ZNF862: variants seen among roughly 807,000 people sequenced by gnomAD.
ZNF862 encodes zinc finger protein 862.
A neutral mutation model predicts 91.1 loss-of-function variants in ZNF862; 64 were observed. The ratio of observed to expected loss-of-function variants is 0.70; its 90% CI spans 0.57 to 0.87. ZNF862 has a LOEUF of 0.87. Among genes scored for constraint, ZNF862 ranks in the 40% least tolerant of loss-of-function variants. ZNF862 has a pLI of 0.00. For synonymous variants in ZNF862, 631 were observed against 618.1 expected, an observed-to-expected ratio of 1.02 and a Z score of -0.31; for missense variants, 1,459 against 1,528.0, an observed-to-expected ratio of 0.95 and a Z score of 0.75.
rs1802503248 is a variant in ZNF862, at chr7:149,861,611, T to G, written c.2451T>G (p.Ala817=). 1 of 1,602,002 alleles carries G rather than the reference T, an allele frequency of 6.2e-7. No homozygotes were observed. Among genetic ancestry groups the G allele is most frequent in the Non-Finnish European group, 8.5e-7 (1 of 1,176,356 alleles). Residue 817 remains alanine (A), a synonymous_variant, in exon 7 of 8, where the codon GCT becomes GCG. Transcript: ENST00000223210. The surrounding 1 kb of genome is among the most constrained non-coding windows in gnomAD (Gnocchi z 6.7). ...GGCACCTCCAGAGGGTGGCAGAGGCTGGGGGCCAGATTGGGCACCGGGCCA... is the reference window on the plus strand; with the variant it reads ...GGCACCTCCAGAGGGTGGCAGAGGCGGGGGGCCAGATTGGGCACCGGGCCA... ...LARHLQRVAE[A]GGQIGHRAKG...
Position 149,860,979 on chromosome 7 carries a change from T to A in ZNF862, c.1819T>A (p.Ser607Thr). ...TACTQFIKYI[S>T]ETLKREILED... ...GTGCACTCAGTTCATCAAGTACATC[T>A]CAGAGACCCTGAAGAGGGAGATCCT... The change falls in exon 7 of 8, where the codon TCA becomes ACA. Residue 607 changes from serine to threonine, a missense_variant. Coordinates refer to ENST00000223210, the MANE Select transcript of ZNF862 (RefSeq NM_001099220.3). 1 of 1,613,494 alleles carries A rather than the reference T, an allele frequency of 6.2e-7. No homozygotes were observed.
chr7:149,859,637 A>G lies in ZNF862; in HGVS notation c.1222+111A>G, dbSNP rs369604978. On this transcript the variant is annotated intron_variant, in intron 6 of 7. Coordinates refer to ENST00000223210, the MANE Select transcript of ZNF862 (RefSeq NM_001099220.3). ...CTCATCTGATGGGGGCCGATTGGGC[A>G]CCAAGCCTGGCAGGAGGCCCTGGGT... is the stretch of plus-strand genomic sequence containing the variant. 6.1e-5 allele frequency: 54 copies of G among 885,184 alleles called. No individual in the cohort carries two copies. In the African/African-American group the frequency reaches 7.8e-4, roughly 13 times the overall value. The allele number at this position is 885,184 out of a possible 1,614,324, so 54.8% of individuals were successfully genotyped here.
Position 149,860,828 on chromosome 7 carries a change from G to A in ZNF862, c.1668G>A (p.Glu556=), listed in dbSNP as rs1802449214. 6.2e-7 allele frequency: 1 copy of A among 1,613,730 alleles called. No individual in the cohort carries two copies. The highest frequency in any genetic ancestry group is 8.5e-7 in the Non-Finnish European group (1 of 1,179,896). Residue 556 remains glutamate, a synonymous_variant, in exon 7 of 8, where the codon GAG becomes GAA. Coordinates refer to ENST00000223210, the MANE Select transcript of ZNF862 (RefSeq NM_001099220.3). The part of the protein sequence containing the change: ...EISSDLMANM[E]HFFNAAYSIA... ...CCAGCGACCTCATGGCCAACATGGA[G>A]CACTTTTTCAATGCCGCCTACTCCA...
At chr7:149,841,064 A>T (rs926284645) in intron 1 of ZNF862, 1 of 985,320 alleles carries the variant, frequency 1.0e-6, no homozygotes, top group African/African-American at 1.7e-5. Context: ...TCCCAAAGAT[A>T]GTTGTTTTCT....
chr7:149,860,610 A>G lies in ZNF862; in HGVS notation c.1450A>G (p.Lys484Glu), dbSNP rs368837074. The change falls in exon 7 of 8, where the codon AAA (lysine) becomes GAA (glutamate). Residue 484 changes from lysine to glutamate, a missense_variant. By Grantham distance (56) the Lys-to-Glu change is moderately conservative (BLOSUM62 1). Coordinates refer to ENST00000223210, the MANE Select transcript of ZNF862 (RefSeq NM_001099220.3). ...GTTAGTAATTGACCCCAAAGAGACC[A>G]AACTCTTCTGCTCAGCCTGCATAGA... ...PWLVIDPKET[K>E]LFCSACIERP... 1.7e-5 allele frequency: 28 copies of G among 1,613,906 alleles called. No homozygotes were observed. Among genetic ancestry groups the G allele is most frequent in the Non-Finnish European group, 2.3e-5 (27 of 1,179,890 alleles).
At chr7:149,863,708 A>T (rs1802604135) in intron 7 of ZNF862, among the ~76,000 whole-genome samples, 1 of 152,206 alleles carries the variant, frequency 6.6e-6, no homozygotes. Flanking sequence ...GCCTCCTTCC[A>T]GGCAGGGCTC....
chr7:149,856,655 G>A (rs993607274), intron 5 of ZNF862, among the ~76,000 whole-genome samples: 1 of 152,072 alleles, frequency 6.6e-6, no homozygotes, highest in Non-Finnish European at 1.5e-5. Context: ...ACTTCGCTCC[G>A]GGGCCTTCTC....
intron 4 of ZNF862, among the ~76,000 whole-genome samples, chr7:149,849,147 A>G (rs1411917404): frequency 2.0e-5 from 3 of 152,204 alleles, no homozygotes; most frequent in Non-Finnish European, 2.9e-5. Flanking sequence ...ACTTGTAAAC[A>G]TTGCAGTTTT....
chr7:149,859,260 G>T, intron 5 of ZNF862, 162 bp from the exon 6 acceptor site: 1 of 677,124 alleles, frequency 1.5e-6, no homozygotes, highest in Non-Finnish European at 2.6e-6. Flanking sequence ...CTGCCTCTTT[G>T]GCACTCTGGG....
At chr7:149,842,649 T>C (rs1801745884) in intron 1 of ZNF862, among the ~76,000 whole-genome samples, 1 of 152,234 alleles carries the variant, frequency 6.6e-6, no homozygotes, top group Admixed American at 6.5e-5. Context: ...TTGGCCCTTA[T>C]GCTCACCTGT....
At chr7:149,849,568 ACAT>A (rs1801992776) in intron 4 of ZNF862, among the ~76,000 whole-genome samples, 1 of 152,370 alleles carries the variant, frequency 6.6e-6, no homozygotes, top group Non-Finnish European at 1.5e-5. Flanking sequence ...CCTAGAGCTG[ACAT>A]CATAAGGAAT....
At chr7:149,843,795 GC>G (rs1456686534) in intron 1 of ZNF862, among the ~76,000 whole-genome samples, 2 of 152,198 alleles carry the variant, frequency 1.3e-5, no homozygotes, top group African/African-American at 4.8e-5. Flanking sequence ...TGGGCTGCCT[GC>G]CCGCCCTCCC....
chr7:149,856,217 T>G (rs1159221481), intron 5 of ZNF862: 1 of 152,262 alleles, frequency 6.6e-6, no homozygotes, highest in African/African-American at 2.4e-5. Context: ...GAATCACACT[T>G]TCATATCCTG....
In ZNF862 at chr7:149,850,459, G is replaced by A. The variant is rs926898927; in HGVS notation, c.1117+121G>A. ...CCCTCCCTGTGTGTAGGCAGAGACC[G>A]ATCCTGTCTTTTGCACCTCATAACT... On this transcript the variant is annotated intron_variant, in intron 5 of 7. Coordinates refer to ENST00000223210, the MANE Select transcript of ZNF862 (RefSeq NM_001099220.3). This position sits in a 1 kb window ranked among gnomAD's most constrained non-coding sequence, Gnocchi z 4.2. 1.0e-5 allele frequency: 11 copies of A among 1,072,800 alleles called. No individual in the cohort carries two copies. Among genetic ancestry groups the A allele is most frequent in the South Asian group, 3.3e-5 (2 of 60,378 alleles). The allele number at this position is 1,072,800 out of a possible 1,614,324, so 66.5% of individuals were successfully genotyped here. A position where few individuals can be genotyped will look rare whatever the true frequency, so the allele number is the denominator to read the frequency against.
rs1226651634 is a variant in ZNF862, at chr7:149,862,178, C to T, written c.3018C>T (p.Ser1006=). ...LKTIAQHLPF[S]MLCKNALAQH... ...CCATTGCCCAGCACCTCCCGTTCTC[C>T]ATGCTCTGCAAAAACGCCCTGGCCC... is the stretch of plus-strand genomic sequence containing the variant. The change falls in exon 7 of 8, where the codon TCC becomes TCT. Residue 1006 remains serine (S), a synonymous_variant. Coordinates refer to ENST00000223210, the MANE Select transcript of ZNF862 (RefSeq NM_001099220.3). The T allele has an allele frequency of 1.9e-6, 3 of 1,613,494 alleles. No individual in the cohort carries two copies. The highest frequency in any genetic ancestry group is 2.5e-6 in the Non-Finnish European group (3 of 1,179,878).
chr7:149,847,630 T>C lies in ZNF862; in HGVS notation c.242-105T>C, dbSNP rs535651813. ...GTGTGTGTGTGTGTGTGTGTGTGTG[T>C]GTGCTTTCCGTCTTTCATATTTGGT... On this transcript the variant is annotated intron_variant, in intron 3 of 7. Transcript: ENST00000223210. 68 of 577,022 alleles carry C rather than the reference T, an allele frequency of 1.2e-4. No homozygotes were observed. The South Asian group carries it at 1.3e-3, about 11-fold the overall frequency. 35.7% of individuals were successfully genotyped at this position (577,022 alleles called of 1,614,324 possible).
At position 149,850,538 on chromosome 7, in the gene ZNF862, T is replaced by A. The variant is rs1586051843; in HGVS notation, c.1117+200T>A. ...ACCTTCTCATCCACCCACCTGTTCA[T>A]CCATTCGTCCCCCACCAAACATTTT... On this transcript the variant is annotated intron_variant, in intron 5 of 7. Coordinates refer to ENST00000223210, the MANE Select transcript of ZNF862 (RefSeq NM_001099220.3). This position sits in a 1 kb window ranked among gnomAD's most constrained non-coding sequence, Gnocchi z 4.2. 7.1e-6 allele frequency: 4 copies of A among 563,988 alleles called. No individual in the cohort carries two copies. The East Asian group carries it at 1.2e-4, about 17-fold the overall frequency. 34.9% of individuals were successfully genotyped at this position (563,988 alleles called of 1,614,324 possible).
Position 149,864,343 on chromosome 7 carries a change from C to G in ZNF862, c.*59C>G. 1 of 1,504,516 alleles carries G rather than the reference C, an allele frequency of 6.6e-7. No individual in the cohort carries two copies. The highest frequency in any genetic ancestry group is 2.1e-5 in the Admixed American group (1 of 46,672). The allele number at this position is 1,504,516 out of a possible 1,614,324, so 93.2% of individuals were successfully genotyped here. ...GCCTCTGTGATCACTGGGACAGGCT[C>G]TGCAGATTCTAGGCTGCCCTAGGAT... On this transcript the variant is annotated 3_prime_UTR_variant, in exon 8 of 8. Coordinates refer to ENST00000223210, the MANE Select transcript of ZNF862 (RefSeq NM_001099220.3).
At position 149,863,012 on chromosome 7, in the gene ZNF862, A is replaced by C. The variant is rs575368167; in HGVS notation, c.3334+518A>C. ...GGAATTTTCAAGAGGGAAGAGGTCC[A>C]TGTGGCTGTGGAGGAGGTGAGATGC... On this transcript the variant is annotated intron_variant, in intron 7 of 7. Coordinates refer to ENST00000223210, the MANE Select transcript of ZNF862 (RefSeq NM_001099220.3). 3.3e-5 allele frequency among the ~76,000 whole-genome samples: 5 copies of C among 152,352 alleles called. No homozygotes were observed. In the South Asian group the frequency reaches 8.3e-4, roughly 25 times the overall value.
Sources: allele counts gnomAD v4.1 joint callset (sites outside exome capture counted in the v4.1 genomes callset), GRCh38; gene constraint gnomAD v4.1.1; non-coding constraint Gnocchi (gnomAD v3.1); transcripts MANE v1.5; gene names NCBI Gene and HGNC (gene_info 2026-07-23, HGNC 2026-07-21).